Variants in MAP3K7CL observed in about 807,000 individuals in gnomAD.
The protein encoded by MAP3K7CL is MAP3K7 C-terminal like, also known as MAP3K7 C-terminal-like protein.
MAP3K7CL carries 16 observed loss-of-function variants against 18.6 expected under a neutral mutation model. The ratio of observed to expected loss-of-function variants is 0.86; its 90% confidence interval spans 0.58 to 1.31. The LOEUF is 1.31. MAP3K7CL is among the 50% of genes most tolerant of loss of function. MAP3K7CL has a pLI of 0.00. For missense variants in MAP3K7CL, 163 were observed against 174.4 expected (o/e 0.93, Z 0.37); for synonymous variants, 65 against 66.8 (o/e 0.97, Z 0.13).
At chr21:29,162,334 T>C (rs1178096743) in intron 4 of MAP3K7CL, among the ~76,000 whole-genome samples, 3 of 150,146 alleles carry the variant, frequency 2.0e-5, no homozygotes, top group African/African-American at 7.3e-5. Flanking sequence ...GGAAATGCAA[T>C]ACTCATCCCC....
intron 4 of MAP3K7CL, among the ~76,000 whole-genome samples, chr21:29,099,612 C>T (rs921056509): frequency 1.3e-5 from 2 of 152,138 alleles, no homozygotes; most frequent in Non-Finnish European, 2.9e-5. Flanking sequence ...ATTTAAGAGT[C>T]TGTGTACTGA....
chr21:29,141,162 A>T (rs1283437606), intron 2 of MAP3K7CL, among the ~76,000 whole-genome samples: 2 of 152,208 alleles, frequency 1.3e-5, no homozygotes, highest in East Asian at 3.8e-4. Context: ...CAACAGGATA[A>T]ATAGACACTC....
chr21:29,128,812 T>C (rs117420066), upstream of MAP3K7CL, among the ~76,000 whole-genome samples: 4,478 of 152,298 alleles, frequency 0.029, 100 homozygotes, highest in Middle Eastern at 0.099. Context: ...TTCTGGAAGA[T>C]TAAAATGAGG....
intron 4 of MAP3K7CL, among the ~76,000 whole-genome samples, chr21:29,117,546 T>C (rs1448413121): frequency 1.3e-5 from 2 of 152,224 alleles, no homozygotes; most frequent in East Asian, 1.9e-4. Flanking sequence ...AAAAGGAAAA[T>C]TGACAGGTGC....
intron 4 of MAP3K7CL, among the ~76,000 whole-genome samples, chr21:29,161,684 G>A (rs2087552813): frequency 6.6e-6 from 1 of 152,088 alleles, no homozygotes; most frequent in African/African-American, 2.4e-5. Flanking sequence ...GTGAAGTGTG[G>A]TGGTATAATA....
chr21:29,101,885 T>A (rs1056973417), intron 4 of MAP3K7CL, among the ~76,000 whole-genome samples: 1 of 151,568 alleles, frequency 6.6e-6, no homozygotes, highest in African/African-American at 2.5e-5. Context: ...CTTTCATTCA[T>A]TCTTTAGATT....
chr21:29,115,419 T>G (rs1233355124), intron 4 of MAP3K7CL, among the ~76,000 whole-genome samples: 1 of 152,026 alleles, frequency 6.6e-6, no homozygotes, highest in African/African-American at 2.4e-5. Flanking sequence ...CAACATTCTT[T>G]TTAGTAGAGG....
At chr21:29,087,159 T>G (rs1467967984) in intron 1 of MAP3K7CL, among the ~76,000 whole-genome samples, 2 of 152,130 alleles carry the variant, frequency 1.3e-5, no homozygotes, top group Non-Finnish European at 2.9e-5. Context: ...GGACCTCTCT[T>G]CTCCCAGACC....
At chr21:29,104,058 C>T (rs1184712159) in intron 4 of MAP3K7CL, among the ~76,000 whole-genome samples, 2 of 152,050 alleles carry the variant, frequency 1.3e-5, no homozygotes, top group African/African-American at 4.8e-5. Context: ...CAAACTCTTG[C>T]CATGATGTTG....
At chr21:29,094,845 C>T (rs2086092829) in intron 4 of MAP3K7CL, among the ~76,000 whole-genome samples, 2 of 152,028 alleles carry the variant, frequency 1.3e-5, no homozygotes, top group Admixed American at 1.3e-4. Flanking sequence ...TTGCTTGAGC[C>T]CAGGAGTTCA....
At chr21:29,128,726 T>C (rs928108458), upstream of MAP3K7CL, among the ~76,000 whole-genome samples, 1 of 152,232 alleles carries the variant, frequency 6.6e-6, no homozygotes, top group African/African-American at 2.4e-5. Context: ...AGCCTGTTAT[T>C]TGAATTGTCT....
At chr21:29,137,779 A>G (rs764763239) in intron 2 of MAP3K7CL, among the ~76,000 whole-genome samples, 1 of 152,172 alleles carries the variant, frequency 6.6e-6, no homozygotes, top group Non-Finnish European at 1.5e-5. Context: ...AGATAGCAAT[A>G]GACTAGGGTT....
intron 3 of MAP3K7CL, among the ~76,000 whole-genome samples, chr21:29,152,400 A>G (rs1207232839): frequency 6.6e-6 from 1 of 152,192 alleles, no homozygotes; most frequent in East Asian, 1.9e-4. Flanking sequence ...AGAGCAGGCC[A>G]TCTTTATAGT....
intron 3 of MAP3K7CL, among the ~76,000 whole-genome samples, chr21:29,151,757 T>C (rs1185835129): frequency 2.0e-5 from 3 of 152,268 alleles, no homozygotes; most frequent in African/African-American, 7.2e-5. Context: ...AATGGTCTTC[T>C]CTGGCTCGTG....
chr21:29,110,540 G>T (rs747773934), intron 4 of MAP3K7CL, among the ~76,000 whole-genome samples: 2 of 152,048 alleles, frequency 1.3e-5, no homozygotes, highest in Non-Finnish European at 2.9e-5. Context: ...GGGATTACAG[G>T]TGTGTGCCCC....
intron 4 of MAP3K7CL, 29 bp downstream of exon 4, chr21:29,160,085 C>G: frequency 6.4e-7 from 1 of 1,562,976 alleles, no homozygotes. Context: ...CACTCTACAT[C>G]TGAGCACTGC....
At chr21:29,130,633 T>C, upstream of MAP3K7CL, 1 of 985,476 alleles carries the variant, frequency 1.0e-6, no homozygotes. Context: ...TCTTGCTTTT[T>C]CTAGAAAGAT....
chr21:29,129,897 A>G (rs145616323), upstream of MAP3K7CL, among the ~76,000 whole-genome samples: 247 of 152,292 alleles, frequency 1.6e-3, 5 homozygotes, highest in East Asian at 0.041. Context: ...GCAATTCCCT[A>G]ATGACATATG....
chr21:29,126,696 T>G (rs1228844022), upstream of MAP3K7CL, among the ~76,000 whole-genome samples: 1 of 152,112 alleles, frequency 6.6e-6, no homozygotes, highest in African/African-American at 2.4e-5. Context: ...TGACCTTAGG[T>G]GATCCGCCTG....
Sources: gnomAD v4.1 joint callset for allele counts (sites outside exome capture counted in the v4.1 genomes callset) on GRCh38, gnomAD v4.1.1 for gene constraint, MANE v1.5 for transcripts, NCBI Gene and HGNC (gene_info 2026-07-23, HGNC 2026-07-21) for gene names.